The following FRMD4A variants were observed in gnomAD, a reference collection of about 807,000 sequenced individuals.
FRMD4A encodes FERM domain containing 4A.
Under a neutral mutation model 129.1 loss-of-function variants are expected in FRMD4A, and 29 were observed. The ratio of observed to expected loss-of-function variants is 0.22; its 90% CI spans 0.17 to 0.31. The LOEUF (loss-of-function observed/expected upper bound fraction) is 0.31, where lower values mean the gene tolerates loss of function less well. Among genes scored for constraint, FRMD4A ranks in the 10% least tolerant of loss-of-function variants. The pLI is 1.00. For missense variants in FRMD4A, 1,272 were observed against 1,375.8 expected (o/e 0.92, Z 1.19); for synonymous variants, 634 against 571.6 (o/e 1.11, Z -1.56).
chr10:13,768,080 A>ATGTGTGTGTGTG (rs36052011), intron 6 of FRMD4A, among the ~76,000 whole-genome samples: 91 of 149,984 alleles, frequency 6.1e-4, no homozygotes, highest in Non-Finnish European at 1.1e-3. Context: ...GTCTGCAGGT[A>ATGTGTGTGTGTG]TGTGTGTGTG....
intron 2 of FRMD4A, among the ~76,000 whole-genome samples, chr10:14,121,804 C>A (rs529795798): frequency 6.6e-6 from 1 of 152,294 alleles, no homozygotes; most frequent in South Asian, 2.1e-4. Context: ...GGGGCCATTC[C>A]GGCTGGCTTT....
At chr10:13,665,430 G>A (rs1344091965) in intron 18 of FRMD4A, among the ~76,000 whole-genome samples, 1 of 152,120 alleles carries the variant, frequency 6.6e-6, no homozygotes, top group Non-Finnish European at 1.5e-5. Flanking sequence ...AGGAAAGAAT[G>A]CTTGATATAT....
At chr10:13,717,724 G>T (rs1054404177) in intron 12 of FRMD4A, among the ~76,000 whole-genome samples, 4 of 149,392 alleles carry the variant, frequency 2.7e-5, no homozygotes, top group African/African-American at 5.0e-5. Flanking sequence ...GGGGTGGCGG[G>T]GGGGGTTGGC....
chr10:13,737,662 A>AT (rs1402252311), intron 12 of FRMD4A, among the ~76,000 whole-genome samples, 182 bp downstream of exon 12: 5 of 152,152 alleles, frequency 3.3e-5, no homozygotes, highest in African/African-American at 9.6e-5. Flanking sequence ...GAGAAAAAAA[A>AT]GAAAAAATAT....
At chr10:14,310,122 C>T (rs936490307) in intron 2 of FRMD4A, among the ~76,000 whole-genome samples, 4 of 152,218 alleles carry the variant, frequency 2.6e-5, no homozygotes, top group African/African-American at 9.7e-5. Flanking sequence ...GCCCTGCCTC[C>T]CCAGCTGGCT....
rs190648608 is a variant in FRMD4A, at chr10:14,064,753, T to C, written c.46-205841A>G. Among the ~76,000 whole-genome samples, 609 of 152,188 alleles carry C rather than the reference T, an allele frequency of 4.0e-3. 3 individuals carry two copies. The highest frequency in any genetic ancestry group is 6.9e-3 in the Non-Finnish European group (466 of 67,980). On this transcript the variant is annotated intron_variant, in intron 2 of 24. Coordinates refer to ENST00000357447, the MANE Select transcript of FRMD4A (RefSeq NM_018027.5). ...CCATCACACTCAGCTATTGTTTGTA[T>C]TTTTAGTAGAGACAGGGTTTGACTG...
At chr10:13,731,845 T>A (rs1299706810) in intron 12 of FRMD4A, among the ~76,000 whole-genome samples, 2 of 152,046 alleles carry the variant, frequency 1.3e-5, no homozygotes, top group Non-Finnish European at 2.9e-5. Flanking sequence ...CTTCCATATA[T>A]GTTGTTCCAA....
chr10:13,954,488 C>T (rs2095395884), intron 2 of FRMD4A, among the ~76,000 whole-genome samples: 2 of 152,158 alleles, frequency 1.3e-5, no homozygotes, highest in South Asian at 4.2e-4. Flanking sequence ...CAATAACCTC[C>T]CACCGGGTCT....
intron 11 of FRMD4A, among the ~76,000 whole-genome samples, chr10:13,739,456 C>T (rs1665139127): frequency 6.6e-6 from 1 of 152,202 alleles, no homozygotes; most frequent in Non-Finnish European, 1.5e-5. Context: ...GGCCAGGTTT[C>T]CTGGATTCGT....
At chr10:13,871,787 C>T (rs909779255) in intron 2 of FRMD4A, among the ~76,000 whole-genome samples, 2 of 152,214 alleles carry the variant, frequency 1.3e-5, no homozygotes, top group African/African-American at 4.8e-5. Flanking sequence ...GAAGGAGGCT[C>T]CAGGCACACA....
intron 2 of FRMD4A, among the ~76,000 whole-genome samples, chr10:14,278,043 C>T (rs1347209197): frequency 6.6e-6 from 1 of 152,206 alleles, no homozygotes; most frequent in South Asian, 2.1e-4. Flanking sequence ...GCCCACCAAG[C>T]TCGCAACACA....
At chr10:14,034,660 T>C (rs753074482) in intron 2 of FRMD4A, among the ~76,000 whole-genome samples, 1 of 152,200 alleles carries the variant, frequency 6.6e-6, no homozygotes, top group Non-Finnish European at 1.5e-5. Context: ...AATCAATAAA[T>C]AACCTGAGCT....
intron 2 of FRMD4A, among the ~76,000 whole-genome samples, chr10:14,265,030 C>A (rs1407863983): frequency 2.6e-5 from 4 of 152,208 alleles, no homozygotes; most frequent in African/African-American, 9.6e-5. Flanking sequence ...GATCCGCAAG[C>A]CTCGGCCTCC....
intron 2 of FRMD4A, among the ~76,000 whole-genome samples, chr10:14,264,551 C>T (rs1022464450): frequency 1.5e-5 from 2 of 132,522 alleles, no homozygotes; most frequent in African/African-American, 6.6e-5. Flanking sequence ...ATACCATGTA[C>T]TGTATACAGT....
At chr10:14,282,255 C>T (rs959567368) in intron 2 of FRMD4A, among the ~76,000 whole-genome samples, 1 of 152,124 alleles carries the variant, frequency 6.6e-6, no homozygotes, top group African/African-American at 2.4e-5. Context: ...ACAGCCAAAG[C>T]ATATCAATAT....
chr10:14,204,081 TG>T (rs1842712684), intron 2 of FRMD4A, among the ~76,000 whole-genome samples: 1 of 152,196 alleles, frequency 6.6e-6, no homozygotes, highest in Non-Finnish European at 1.5e-5. Flanking sequence ...ATCAGGTGCC[TG>T]TTGCTTTGAA....
intron 2 of FRMD4A, among the ~76,000 whole-genome samples, chr10:14,215,412 C>T (rs1322277778): frequency 1.3e-5 from 2 of 152,158 alleles, no homozygotes; most frequent in Non-Finnish European, 2.9e-5. Context: ...GTTAATTGAA[C>T]ACCCAAATAT....
chr10:13,701,527 A>C, intron 13 of FRMD4A, 49 bp from the exon 14 acceptor site: 1 of 1,567,012 alleles, frequency 6.4e-7, no homozygotes, highest in Non-Finnish European at 8.7e-7. Flanking sequence ...GTTGAGAGAA[A>C]CCATTTCTCA....
intron 2 of FRMD4A, among the ~76,000 whole-genome samples, chr10:14,150,297 T>G (rs1840278489): frequency 6.6e-6 from 1 of 152,150 alleles, no homozygotes; most frequent in Non-Finnish European, 1.5e-5. Flanking sequence ...AAGTGCATAT[T>G]TCATATGTGG....
Sources: gnomAD v4.1 joint callset for allele counts (sites outside exome capture counted in the v4.1 genomes callset) on GRCh38, gnomAD v4.1.1 for gene constraint, MANE v1.5 for transcripts, NCBI Gene and HGNC (gene_info 2026-07-23, HGNC 2026-07-21) for gene names.